PLGRKT: variants seen among roughly 807,000 people sequenced by gnomAD.
The protein encoded by PLGRKT is plasminogen receptor (KT).
A neutral mutation model predicts 18.5 loss-of-function variants in PLGRKT; 22 were observed. The observed-to-expected ratio is 1.19, with a 90% CI of 0.85 to 1.70. PLGRKT has a LOEUF of 1.70. PLGRKT is among the 40% of genes most tolerant of loss of function. PLGRKT has a pLI of 0.00. For missense variants in PLGRKT, 235 were observed against 174.4 expected (o/e 1.35, Z -1.96); for synonymous variants, 72 against 52.8 (o/e 1.36, Z -1.58).
At chr9:5,368,643 A>G (rs1817448370) in intron 3 of PLGRKT, among the ~76,000 whole-genome samples, 5 of 152,194 alleles carry the variant, frequency 3.3e-5, no homozygotes, top group Admixed American at 3.3e-4. Context: ...TATGCTCACC[A>G]TTTGGGTGAT....
At chr9:5,391,926 C>A (rs964357747) in intron 3 of PLGRKT, among the ~76,000 whole-genome samples, 3 of 151,926 alleles carry the variant, frequency 2.0e-5, no homozygotes, top group Non-Finnish European at 2.9e-5. Context: ...GCATGTTCCT[C>A]TCAGTTGAAC....
chr9:5,424,668 T>TATATATATATATATATATATA (rs1818654826), intron 3 of PLGRKT, among the ~76,000 whole-genome samples: 1 of 113,170 alleles, frequency 8.8e-6, no homozygotes, highest in East Asian at 2.3e-4. Context: ...ATTATATATT[T>TATATATATATATATATATATA]TATATATATA....
chr9:5,433,293 T>C lies in PLGRKT; in HGVS notation c.-6-1310A>G, dbSNP rs537223063. Among the ~76,000 whole-genome samples the C allele has an allele frequency of 5.4e-4, 81 of 150,792 alleles. No individual in the cohort carries two copies. The Middle Eastern group carries it at 0.017, about 32-fold the overall frequency. ...CCGTCTAGGAAGTAAGGAGTGTCTCTGCCTGACCGCCCGTTGTCTGGGATG... is the reference window on the plus strand; with the variant it reads ...CCGTCTAGGAAGTAAGGAGTGTCTCCGCCTGACCGCCCGTTGTCTGGGATG... On this transcript the variant is annotated intron_variant, in intron 2 of 5. Coordinates refer to ENST00000223864, the MANE Select transcript of PLGRKT (RefSeq NM_018465.4).
At chr9:5,384,790 T>C (rs936298917) in intron 3 of PLGRKT, among the ~76,000 whole-genome samples, 3 of 151,878 alleles carry the variant, frequency 2.0e-5, no homozygotes, top group Non-Finnish European at 1.5e-5. Flanking sequence ...AAAACCAGCA[T>C]GAAAAGATGC....
chr9:5,386,357 G>A (rs898425965), intron 3 of PLGRKT, among the ~76,000 whole-genome samples: 14 of 151,872 alleles, frequency 9.2e-5, no homozygotes, highest in African/African-American at 3.4e-4. Flanking sequence ...TTCTCAACCA[G>A]GCATGATTTT....
intron 2 of PLGRKT, among the ~76,000 whole-genome samples, chr9:5,434,071 TC>T (rs1818902083): frequency 1.5e-5 from 2 of 134,618 alleles, no homozygotes; most frequent in East Asian, 2.5e-4. Context: ...GGCCGCCCCA[TC>T]TGGGAAGTGA....
intron 3 of PLGRKT, among the ~76,000 whole-genome samples, chr9:5,384,599 G>A (rs1009352416): frequency 6.6e-6 from 1 of 152,088 alleles, no homozygotes; most frequent in African/African-American, 2.4e-5. Context: ...CTCTTGATTA[G>A]ACTGAATCAT....
intron 2 of PLGRKT, among the ~76,000 whole-genome samples, chr9:5,433,809 G>C (rs1818889699): frequency 7.3e-6 from 1 of 136,156 alleles, no homozygotes; most frequent in Non-Finnish European, 1.6e-5. Context: ...CCCCGTCTGG[G>C]AAGTGAGGAG....
intron 3 of PLGRKT, among the ~76,000 whole-genome samples, chr9:5,415,172 T>C (rs959898762): frequency 3.9e-5 from 6 of 151,980 alleles, no homozygotes; most frequent in African/African-American, 1.5e-4. Flanking sequence ...AAGCAGGTAC[T>C]CAAAAAAGGA....
intron 3 of PLGRKT, among the ~76,000 whole-genome samples, chr9:5,425,614 C>T (rs939044977): frequency 1.3e-5 from 2 of 151,916 alleles, no homozygotes; most frequent in African/African-American, 4.8e-5. Flanking sequence ...TGTTTCTCAC[C>T]CCAGGCCATT....
intron 3 of PLGRKT, among the ~76,000 whole-genome samples, chr9:5,395,282 G>C (rs1186871116): frequency 6.6e-6 from 1 of 151,882 alleles, no homozygotes; most frequent in Non-Finnish European, 1.5e-5. Context: ...TAAAGTTACT[G>C]ATATATGCTG....
chr9:5,365,840 A>G (rs1173972031), intron 3 of PLGRKT, among the ~76,000 whole-genome samples: 7 of 152,276 alleles, frequency 4.6e-5, no homozygotes, highest in Middle Eastern at 3.4e-3. Context: ...TATTTAAAAA[A>G]CTAGTCATGA....
chr9:5,411,524 C>G (rs762202890), intron 3 of PLGRKT, among the ~76,000 whole-genome samples: 3 of 152,134 alleles, frequency 2.0e-5, no homozygotes, highest in Non-Finnish European at 2.9e-5. Context: ...TGTCACTTAT[C>G]CATGGTTACT....
rs185264331 is a variant in PLGRKT, at chr9:5,418,838, C to G, written c.81+13059G>C. ...CCGCTGCACCAGGGGCATCGCACAT[C>G]CTTCTGGCTGGTCCTCGTCTGCTGG... is the stretch of plus-strand genomic sequence containing the variant. On this transcript the variant is annotated intron_variant, in intron 3 of 5. Transcript: ENST00000223864. This position sits in a 1 kb window ranked among gnomAD's most constrained non-coding sequence, Gnocchi z 4.2. 91 of 1,058,264 alleles carry G rather than the reference C, an allele frequency of 8.6e-5. No individual in the cohort carries two copies. In the East Asian group the frequency reaches 2.2e-3, roughly 25 times the overall value. 65.6% of individuals were successfully genotyped at this position (1,058,264 alleles called of 1,614,324 possible).
chr9:5,434,013 C>T lies in PLGRKT; in HGVS notation c.-6-2030G>A, dbSNP rs568896368. Reference sequence around the variant, plus strand: ...GCCCCGTCTGGGAGGAAGTGAGGAGCGCCTCTGCCCCGTTGCCCCAAATGG... The same window carrying T: ...GCCCCGTCTGGGAGGAAGTGAGGAGTGCCTCTGCCCCGTTGCCCCAAATGG... On this transcript the variant is annotated intron_variant, in intron 2 of 5. Coordinates refer to ENST00000223864, the MANE Select transcript of PLGRKT (RefSeq NM_018465.4). 1.3e-3 allele frequency among the ~76,000 whole-genome samples: 190 copies of T among 141,838 alleles called. 3 individuals carry two copies. The highest frequency in any genetic ancestry group is 0.013 in the East Asian group (57 of 4,458). The allele number at this position is 141,838 out of a possible 152,430, so 93.1% of individuals were successfully genotyped here.
Position 5,418,406 on chromosome 9 carries a change from A to C in PLGRKT, c.81+13491T>G. 1.2e-6 allele frequency: 1 copy of C among 831,744 alleles called. No homozygotes were observed. The highest frequency in any genetic ancestry group is 1.4e-5 in the South Asian group (1 of 73,248). The allele number at this position is 831,744 out of a possible 1,614,324, so 51.5% of individuals were successfully genotyped here. On this transcript the variant is annotated intron_variant, in intron 3 of 5. Transcript: ENST00000223864. The surrounding 1 kb of genome is among the most constrained non-coding windows in gnomAD (Gnocchi z 4.2). Reference sequence around the variant, plus strand: ...GTCACAGTCAAGCGCTTAGAAATGCAGGACATGTTATGGAGCACGATGCTG... The same window carrying C: ...GTCACAGTCAAGCGCTTAGAAATGCCGGACATGTTATGGAGCACGATGCTG...
intron 3 of PLGRKT, among the ~76,000 whole-genome samples, chr9:5,412,655 C>A (rs10815212): frequency 0.26 from 38,905 of 151,942 alleles, 5,340 homozygotes; most frequent in African/African-American, 0.34. Context: ...ATTATAGCAA[C>A]AGAAAATGAA....
intron 5 of PLGRKT, 116 bp from the exon 6 acceptor site, chr9:5,358,476 T>G: frequency 1.3e-6 from 1 of 761,660 alleles, no homozygotes. Context: ...ATGTCCCCAA[T>G]CTCACACTTA....
intron 3 of PLGRKT, among the ~76,000 whole-genome samples, chr9:5,402,852 G>C (rs1227949329): frequency 1.3e-5 from 2 of 151,910 alleles, no homozygotes; most frequent in East Asian, 3.8e-4. Context: ...AGAAATGATG[G>C]TTAGCACAAA....
Sources: gnomAD v4.1 joint callset for allele counts (sites outside exome capture counted in the v4.1 genomes callset) on GRCh38, gnomAD v4.1.1 for gene constraint, Gnocchi (gnomAD v3.1) non-coding constraint, MANE v1.5 for transcripts, NCBI Gene and HGNC (gene_info 2026-07-23, HGNC 2026-07-21) for gene names.